Variants in ELOVL7 observed in about 807,000 individuals in gnomAD.
The protein encoded by ELOVL7 is very long chain fatty acid elongase 7.
Under a neutral mutation model 35.7 loss-of-function variants are expected in ELOVL7, and 27 were observed. The observed-to-expected ratio is 0.76, with a 90% CI of 0.56 to 1.04. The LOEUF is 1.04. ELOVL7 is among the 50% of genes least tolerant of loss of function. The pLI, the probability that ELOVL7 is intolerant of heterozygous loss-of-function variation, is 0.00. For missense variants in ELOVL7, 327 were observed against 340.8 expected (o/e 0.96, Z 0.32); for synonymous variants, 113 against 114.6 (o/e 0.99, Z 0.09).
chr5:60,766,300 C>T (rs1742230921), intron 6 of ELOVL7, among the ~76,000 whole-genome samples: 1 of 152,190 alleles, frequency 6.6e-6, no homozygotes, highest in African/African-American at 2.4e-5. Flanking sequence ...ATGACACAGT[C>T]ACCATGCTTA....
intron 3 of ELOVL7, among the ~76,000 whole-genome samples, chr5:60,786,840 G>C (rs1489996437): frequency 6.6e-6 from 1 of 151,944 alleles, no homozygotes; most frequent in Non-Finnish European, 1.5e-5. Context: ...TACTTGGGAG[G>C]CTCAGGCAGA....
At chr5:60,810,551 A>C (rs190846494) in intron 1 of ELOVL7, among the ~76,000 whole-genome samples, 3 of 152,366 alleles carry the variant, frequency 2.0e-5, no homozygotes, top group African/African-American at 7.2e-5. Flanking sequence ...TTACTAAATT[A>C]TACAAATATG....
intron 1 of ELOVL7, among the ~76,000 whole-genome samples, chr5:60,830,051 G>A (rs1263369250): frequency 1.3e-5 from 2 of 152,040 alleles, no homozygotes; most frequent in Admixed American, 6.6e-5. Flanking sequence ...CATTCTCTAC[G>A]TGAGGCCTGG....
intron 2 of ELOVL7, among the ~76,000 whole-genome samples, chr5:60,794,671 C>A (rs561739912): frequency 3.3e-5 from 5 of 152,204 alleles, no homozygotes; most frequent in Admixed American, 1.3e-4. Context: ...CTAGGGCATA[C>A]CTTTAATCCA....
chr5:60,764,194 T>C, intron 7 of ELOVL7, 33 bp downstream of exon 7: 2 of 1,430,498 alleles, frequency 1.4e-6, no homozygotes, highest in Non-Finnish European at 2.0e-6. Flanking sequence ...AAATGTTGTT[T>C]ATAACACATG....
chr5:60,802,905 A>G (rs1744726948), intron 1 of ELOVL7, among the ~76,000 whole-genome samples: 1 of 152,224 alleles, frequency 6.6e-6, no homozygotes, highest in Admixed American at 6.5e-5. Flanking sequence ...ATAGTATAAG[A>G]AGTCCAAAGA....
chr5:60,807,573 G>A (rs1745002823), intron 1 of ELOVL7, among the ~76,000 whole-genome samples: 1 of 151,656 alleles, frequency 6.6e-6, no homozygotes, highest in Non-Finnish European at 1.5e-5. Flanking sequence ...TAAACTGTGG[G>A]GGGAAAGAAA....
chr5:60,768,281 G>C (rs757624477), intron 4 of ELOVL7, among the ~76,000 whole-genome samples: 1 of 152,076 alleles, frequency 6.6e-6, no homozygotes, highest in Non-Finnish European at 1.5e-5. Flanking sequence ...ACTCTTAAAG[G>C]GAACACTTGG....
chr5:60,780,416 G>T (rs894302184), intron 3 of ELOVL7, among the ~76,000 whole-genome samples: 4 of 151,962 alleles, frequency 2.6e-5, no homozygotes, highest in African/African-American at 9.7e-5. Context: ...CACGGCGCCC[G>T]GCCAAACTTT....
intron 3 of ELOVL7, among the ~76,000 whole-genome samples, chr5:60,772,625 GA>G (rs1483031559): frequency 6.6e-6 from 1 of 152,104 alleles, no homozygotes; most frequent in Non-Finnish European, 1.5e-5. Flanking sequence ...GGCGCCAGAG[GA>G]ATAGATACCC....
chr5:60,834,382 T>G lies in ELOVL7; in HGVS notation c.-86+9778A>C, dbSNP rs551262796. Among the ~76,000 whole-genome samples, 6 of 152,306 alleles carry G rather than the reference T, an allele frequency of 3.9e-5. No homozygotes were observed. The East Asian group carries it at 1.2e-3, about 29-fold the overall frequency. ...GGATGGTCTCCATCTCCTGACCTTG[T>G]GATCCGCCCGCCTCGGCCTCCCAAA... On this transcript the variant is annotated intron_variant, in intron 1 of 8. Coordinates refer to ENST00000508821, the MANE Select transcript of ELOVL7 (RefSeq NM_024930.3).
intron 1 of ELOVL7, among the ~76,000 whole-genome samples, chr5:60,843,177 C>A (rs1747281596): frequency 1.3e-5 from 2 of 152,118 alleles, no homozygotes; most frequent in Non-Finnish European, 2.9e-5. Flanking sequence ...TGGCGAGGAA[C>A]TCGGGTCGCT....
At chr5:60,792,294 G>A (rs550394128) in intron 2 of ELOVL7, among the ~76,000 whole-genome samples, 1 of 152,180 alleles carries the variant, frequency 6.6e-6, no homozygotes, top group Non-Finnish European at 1.5e-5. Context: ...AGAAGAGAAG[G>A]AACATCCACA....
intron 2 of ELOVL7, among the ~76,000 whole-genome samples, chr5:60,798,043 G>C (rs991112476): frequency 6.6e-6 from 1 of 152,016 alleles, no homozygotes; most frequent in African/African-American, 2.4e-5. Flanking sequence ...GAGTTGTCCC[G>C]CGTTTCCACA....
Position 60,753,320 on chromosome 5 carries a change from G to GA in ELOVL7, c.*1303dup, listed in dbSNP as rs1312095984. 16 of 152,048 alleles carry GA rather than the reference G, an allele frequency of 1.1e-4. No individual in the cohort carries two copies. The highest frequency in any genetic ancestry group is 2.2e-4 in the Non-Finnish European group (15 of 67,984). The allele number at this position is 152,048 out of a possible 1,614,324, so 9.4% of individuals were successfully genotyped here. A position where few individuals can be genotyped will look rare whatever the true frequency, so the allele number is the denominator to read the frequency against. ...CTGACAAGAAAATGTAAAAATAACA[G>GA]AAAGAAACTAGCAATTTTAAAGAAA... On this transcript the variant is annotated 3_prime_UTR_variant, in exon 9 of 9. Coordinates refer to ENST00000508821, the MANE Select transcript of ELOVL7 (RefSeq NM_024930.3).
chr5:60,801,582 G>A (rs1280228579), intron 1 of ELOVL7, among the ~76,000 whole-genome samples: 1 of 151,848 alleles, frequency 6.6e-6, no homozygotes, highest in Admixed American at 6.6e-5. Context: ...GCACACCTGT[G>A]GATTCAGCTA....
chr5:60,820,923 A>G (rs142322726), intron 1 of ELOVL7, among the ~76,000 whole-genome samples: 1 of 152,256 alleles, frequency 6.6e-6, no homozygotes. Flanking sequence ...TTGTCTACTG[A>G]TAAGTCTGTC....
chr5:60,815,026 T>C (rs1205524920), intron 1 of ELOVL7, among the ~76,000 whole-genome samples: 1 of 152,202 alleles, frequency 6.6e-6, no homozygotes, highest in Non-Finnish European at 1.5e-5. Flanking sequence ...GCATATGAGC[T>C]GATAGTCTTA....
chr5:60,798,746 A>G (rs1434582513), intron 2 of ELOVL7, among the ~76,000 whole-genome samples: 1 of 152,222 alleles, frequency 6.6e-6, no homozygotes, highest in Admixed American at 6.5e-5. Flanking sequence ...AGAGACTACA[A>G]TACAATAATA....
Sources: gnomAD v4.1 joint callset for allele counts (sites outside exome capture counted in the v4.1 genomes callset) on GRCh38, gnomAD v4.1.1 for gene constraint, MANE v1.5 for transcripts, NCBI Gene and HGNC (gene_info 2026-07-23, HGNC 2026-07-21) for gene names.